Variants in CEP104 observed in about 807,000 individuals in gnomAD.
CEP104 encodes the protein centrosomal protein of 104 kDa.
A neutral mutation model predicts 113.3 loss-of-function variants in CEP104; 84 were observed. The ratio of observed to expected loss-of-function variants is 0.74; its 90% CI spans 0.62 to 0.89. The LOEUF is 0.89. Among genes scored for constraint, CEP104 ranks in the 40% least tolerant of loss-of-function variants. The pLI is 0.00. For missense variants in CEP104, 1,053 were observed against 1,156.6 expected, an observed-to-expected ratio of 0.91 and a Z score of 1.30; for synonymous variants, 378 against 421.7, an observed-to-expected ratio of 0.90 and a Z score of 1.27.
At chr1:3,847,704 G>T in intron 3 of CEP104, 91 bp from the exon 4 acceptor site, 1 of 1,336,984 alleles carries the variant, frequency 7.5e-7, no homozygotes. Flanking sequence ...GCTCATTTAT[G>T]TTTATTGTTT....
intron 6 of CEP104, among the ~76,000 whole-genome samples, chr1:3,844,041 G>A (rs1440843273): frequency 1.3e-5 from 2 of 152,138 alleles, no homozygotes; most frequent in Non-Finnish European, 2.9e-5. Context: ...GATTACAGGC[G>A]TGAGCCACTG....
At chr1:3,845,435 T>G in intron 4 of CEP104, 84 bp from the exon 5 acceptor site, 1 of 1,066,040 alleles carries the variant, frequency 9.4e-7, no homozygotes, top group South Asian at 1.4e-5. Flanking sequence ...TGAGACAGGG[T>G]CTCGTCTGTC....
chr1:3,821,340 G>A (rs1643968744), intron 20 of CEP104, among the ~76,000 whole-genome samples: 1 of 152,222 alleles, frequency 6.6e-6, no homozygotes, highest in Non-Finnish European at 1.5e-5. Flanking sequence ...TTAAATCCAT[G>A]GTTCATAACG....
At chr1:3,835,414 C>T (rs568316796) in intron 10 of CEP104, among the ~76,000 whole-genome samples, 4 of 152,344 alleles carry the variant, frequency 2.6e-5, no homozygotes, top group South Asian at 4.1e-4. Flanking sequence ...CTCACTCTGT[C>T]GCCCAGGCTG....
chr1:3,844,698 C>CAAAAA (rs59649331), intron 6 of CEP104, among the ~76,000 whole-genome samples: 1 of 79,722 alleles, frequency 1.3e-5, no homozygotes, highest in Non-Finnish European at 2.4e-5. Flanking sequence ...AATTCTGTCT[C>CAAAAA]AAAAAAAAAG....
At position 3,823,633 on chromosome 1, in the gene CEP104, C is replaced by T. The variant is rs1644025671; in HGVS notation, c.2365-71G>A. 1 of 1,590,040 alleles carries T rather than the reference C, an allele frequency of 6.3e-7. No individual in the cohort carries two copies. The highest frequency in any genetic ancestry group is 8.6e-7 in the Non-Finnish European group (1 of 1,162,934). ...AGCGCCCTCCAGCCAGCCTGCAGAG[C>T]CTGTGAGCGCCTCCCCTGCCCAGGG... On this transcript the variant is annotated intron_variant, in intron 18 of 21. Transcript: ENST00000378230. This position sits in a 1 kb window ranked among gnomAD's most constrained non-coding sequence, Gnocchi z 4.1.
In CEP104 at chr1:3,823,434, C is replaced by A. The variant is rs779481104; in HGVS notation, c.2493G>T (p.Lys831Asn). 1 of 1,614,230 alleles carries A rather than the reference C, an allele frequency of 6.2e-7. No individual in the cohort carries two copies. Among genetic ancestry groups the A allele is most frequent in the South Asian group, 1.1e-5 (1 of 91,086 alleles). ...GGAAGGGGCACTCACGGTTGCAATC[C>A]TTGTGTTTTATGTGTCTGGGCAGCT... is the stretch of plus-strand genomic sequence containing the variant. Reference protein sequence around the residue: ...KEELPRHIKHKDCNPAKPEKL... With the variant: ...KEELPRHIKHNDCNPAKPEKL... The change falls in exon 19 of 22, where the codon AAG becomes AAT. Residue 831 changes from lysine to asparagine, a missense_variant. Transcript: ENST00000378230. The surrounding 1 kb of genome is among the most constrained non-coding windows in gnomAD (Gnocchi z 4.1).
rs770895525 is a variant in CEP104, at chr1:3,845,028, A to G, written c.490-45T>C. On this transcript the variant is annotated intron_variant, in intron 5 of 21. Coordinates refer to ENST00000378230, the MANE Select transcript of CEP104 (RefSeq NM_014704.4). The stretch of plus-strand genomic sequence containing the variant: ...GCTTAGTGTCTCAGAGAGAAAGAGG[A>G]ACAACACAAAACCTTAACTACAAGA... The G allele has an allele frequency of 5.6e-6, 8 of 1,438,422 alleles. 1 individual carries two copies. In the East Asian group the frequency reaches 1.8e-4, roughly 33 times the overall value. 89.1% of individuals were successfully genotyped at this position (1,438,422 alleles called of 1,614,324 possible). A position where few individuals can be genotyped will look rare whatever the true frequency, so the allele number is the denominator to read the frequency against.
intron 2 of CEP104, 111 bp downstream of exon 2, chr1:3,852,184 G>A: frequency 9.7e-7 from 1 of 1,029,024 alleles, no homozygotes; most frequent in South Asian, 1.7e-5. Flanking sequence ...CCTTGGTCCT[G>A]ATGTCCGAGT....
intron 20 of CEP104, among the ~76,000 whole-genome samples, chr1:3,816,674 C>T (rs1048975455): frequency 2.6e-5 from 4 of 152,348 alleles, no homozygotes; most frequent in Middle Eastern, 3.4e-3. Context: ...AGAGCGTGCA[C>T]GCAAATGCAA....
At chr1:3,817,299 A>G (rs1643894730) in intron 20 of CEP104, among the ~76,000 whole-genome samples, 1 of 152,120 alleles carries the variant, frequency 6.6e-6, no homozygotes, top group African/African-American at 2.4e-5. Context: ...CCGAGATCAC[A>G]TCAGTGCACT....
In CEP104 at chr1:3,852,343, C is replaced by T. The variant is rs372416064; in HGVS notation, c.65G>A (p.Arg22Gln). 7.6e-5 allele frequency: 123 copies of T among 1,613,972 alleles called. No individual in the cohort carries two copies. The highest frequency in any genetic ancestry group is 9.0e-5 in the Non-Finnish European group (106 of 1,180,024). ...SSGHEDGFSA[R>Q]ELMIHAPTVS... ...AGTTGGCGCGTGGATCATGAGCTCC[C>T]GGGCACTGAAGCCGTCTTCGTGTCC... The change falls in exon 2 of 22, where the codon CGG becomes CAG. Residue 22 changes from arginine to glutamine, a missense_variant. Transcript: ENST00000378230.
In CEP104 at chr1:3,839,146, T is replaced by C. The variant is rs373976809; in HGVS notation, c.736-27A>G. 7.5e-6 allele frequency: 12 copies of C among 1,610,224 alleles called. No individual in the cohort carries two copies. The African/African-American group carries it at 1.6e-4, about 22-fold the overall frequency. On this transcript the variant is annotated intron_variant, in intron 7 of 21. Transcript: ENST00000378230. Reference sequence around the variant, plus strand: ...TGAAGCACAAAATATTTGCTTTTTCTTTCAAATTTGGATCAACTCACATCA... The same window carrying C: ...TGAAGCACAAAATATTTGCTTTTTCCTTCAAATTTGGATCAACTCACATCA...
At chr1:3,853,684 T>G (rs927007679) in intron 1 of CEP104, among the ~76,000 whole-genome samples, 4 of 152,214 alleles carry the variant, frequency 2.6e-5, no homozygotes, top group African/African-American at 9.6e-5. Context: ...TAAAATAGAA[T>G]GATAAACCAT....
Position 3,845,089 on chromosome 1 carries a change from A to G in CEP104, c.490-106T>C, listed in dbSNP as rs1485029176. 3 of 975,088 alleles carry G rather than the reference A, an allele frequency of 3.1e-6. No homozygotes were observed. The African/African-American group carries it at 4.9e-5, about 16-fold the overall frequency. The allele number at this position is 975,088 out of a possible 1,614,324, so 60.4% of individuals were successfully genotyped here. A position where few individuals can be genotyped will look rare whatever the true frequency, so the allele number is the denominator to read the frequency against. On this transcript the variant is annotated intron_variant, in intron 5 of 21. Coordinates refer to ENST00000378230, the MANE Select transcript of CEP104 (RefSeq NM_014704.4). ...ATAAAGCTGTCAGCAAGGTTCAATGATCCTCATCTTTTGGAGAGACAGCTA... is the reference window on the plus strand; with the variant it reads ...ATAAAGCTGTCAGCAAGGTTCAATGGTCCTCATCTTTTGGAGAGACAGCTA...
chr1:3,839,246 G>A (rs563729465), intron 7 of CEP104, 127 bp from the exon 8 acceptor site: 2 of 818,952 alleles, frequency 2.4e-6, no homozygotes, highest in African/African-American at 3.3e-5. Flanking sequence ...GGAAATGGAA[G>A]GAATGGGCCA....
At chr1:3,818,295 G>A (rs530438084) in intron 20 of CEP104, among the ~76,000 whole-genome samples, 1 of 152,112 alleles carries the variant, frequency 6.6e-6, no homozygotes, top group Non-Finnish European at 1.5e-5. Flanking sequence ...TCTTATACAC[G>A]CTTACAAACC....
chr1:3,826,417 T>A lies in CEP104; in HGVS notation c.2208A>T (p.Ala736=), dbSNP rs1346197377. The A allele has an allele frequency of 6.2e-7, 1 of 1,613,934 alleles. No homozygotes were observed. Among genetic ancestry groups the A allele is most frequent in the African/African-American group, 1.3e-5 (1 of 75,060 alleles). Residue 736 remains alanine (A), a synonymous_variant, in exon 17 of 22, where the codon GCA becomes GCT. Transcript: ENST00000378230. The part of the protein sequence containing the change: ...PKNQDIQGGK[A]APAEALGIPD... The stretch of plus-strand genomic sequence containing the variant: ...GGATTCCCAGAGCTTCAGCAGGGGC[T>A]GCTTTCCCTCCTTGAATGTCTGAAG...
At chr1:3,856,570 C>G (rs970069129) in intron 1 of CEP104, among the ~76,000 whole-genome samples, 1 of 152,270 alleles carries the variant, frequency 6.6e-6, no homozygotes, top group African/African-American at 2.4e-5. Context: ...AAACTGGCCC[C>G]CTATGTGCTA....
Sources: allele counts gnomAD v4.1 joint callset (sites outside exome capture counted in the v4.1 genomes callset), GRCh38; gene constraint gnomAD v4.1.1; non-coding constraint Gnocchi (gnomAD v3.1); transcripts MANE v1.5; gene names NCBI Gene and HGNC (gene_info 2026-07-23, HGNC 2026-07-21).